Variants in NOS1AP observed in about 807,000 individuals in gnomAD.
NOS1AP encodes carboxyl-terminal PDZ ligand of neuronal nitric oxide synthase protein.
A neutral mutation model predicts 56.2 loss-of-function variants in NOS1AP; 21 were observed. The observed-to-expected ratio is 0.37, with a 90% CI of 0.26 to 0.54. The LOEUF (loss-of-function observed/expected upper bound fraction) is 0.54, where lower values mean the gene tolerates loss of function less well. NOS1AP is among the 20% of genes least tolerant of loss of function. NOS1AP has a pLI of 0.84. For missense variants in NOS1AP, 522 were observed against 657.8 expected (o/e 0.79, Z 2.26); for synonymous variants, 270 against 274.6 (o/e 0.98, Z 0.17).
chr1:162,078,669 C>G (rs1691825463), intron 1 of NOS1AP, among the ~76,000 whole-genome samples: 1 of 152,148 alleles, frequency 6.6e-6, no homozygotes, highest in Non-Finnish European at 1.5e-5. Flanking sequence ...TGGTTATCCT[C>G]CCACTCAAAA....
intron 4 of NOS1AP, among the ~76,000 whole-genome samples, chr1:162,325,967 C>T (rs1055652949): frequency 6.6e-6 from 1 of 151,734 alleles, no homozygotes; most frequent in African/African-American, 2.4e-5. Flanking sequence ...TTCCACTTGA[C>T]ATTTCTAAGT....
At chr1:162,322,225 G>A (rs931203006) in intron 4 of NOS1AP, among the ~76,000 whole-genome samples, 4 of 152,206 alleles carry the variant, frequency 2.6e-5, no homozygotes, top group African/African-American at 9.6e-5. Flanking sequence ...GCCACCAGCA[G>A]TGGCTTGTCA....
At chr1:162,290,635 C>T (rs563829304) in intron 3 of NOS1AP, among the ~76,000 whole-genome samples, 129 of 152,294 alleles carry the variant, frequency 8.5e-4, no homozygotes, top group African/African-American at 3.0e-3. Flanking sequence ...CTATATTCAG[C>T]CGTGAGGCAA....
At chr1:162,147,196 G>T (rs1317152789) in intron 1 of NOS1AP, among the ~76,000 whole-genome samples, 5 of 151,944 alleles carry the variant, frequency 3.3e-5, no homozygotes, top group Non-Finnish European at 7.4e-5. Context: ...AGGTGGGGTG[G>T]TGGGCGCCTG....
Position 162,336,261 on chromosome 1 carries a change from C to T in NOS1AP, c.453+3136C>T, listed in dbSNP as rs182384363. Among the ~76,000 whole-genome samples, 221 of 152,216 alleles carry T rather than the reference C, an allele frequency of 1.5e-3. 3 individuals are homozygous for T. Among genetic ancestry groups the T allele is most frequent in the African/African-American group, 4.8e-3 (199 of 41,526 alleles). On this transcript the variant is annotated intron_variant, in intron 5 of 9. Coordinates refer to ENST00000361897, the MANE Select transcript of NOS1AP (RefSeq NM_014697.3). ...GTGAGGTAGGTGCTGTTATGCTCTT[C>T]ATTTTATAGGTGGGAAAATGGGGCC...
At chr1:162,114,657 G>T (rs1022305383) in intron 1 of NOS1AP, among the ~76,000 whole-genome samples, 2 of 152,108 alleles carry the variant, frequency 1.3e-5, no homozygotes, top group Non-Finnish European at 2.9e-5. Context: ...CATCTGCCTT[G>T]GTTGTCCAGC....
intron 1 of NOS1AP, among the ~76,000 whole-genome samples, chr1:162,102,149 G>A (rs1254279075): frequency 3.9e-5 from 6 of 152,064 alleles, no homozygotes; most frequent in Non-Finnish European, 5.9e-5. Flanking sequence ...AGTTTTTAAC[G>A]TGAAGGTATG....
At chr1:162,109,477 A>G (rs1010861488) in intron 1 of NOS1AP, among the ~76,000 whole-genome samples, 4 of 152,190 alleles carry the variant, frequency 2.6e-5, no homozygotes, top group African/African-American at 9.7e-5. Flanking sequence ...ATTTGTTTTT[A>G]AAATAAAGGG....
At chr1:162,281,398 A>G (rs1654920982) in intron 2 of NOS1AP, among the ~76,000 whole-genome samples, 1 of 152,182 alleles carries the variant, frequency 6.6e-6, no homozygotes, top group Non-Finnish European at 1.5e-5. Context: ...TTTCTTGGGT[A>G]GAAATATGTA....
intron 2 of NOS1AP, among the ~76,000 whole-genome samples, chr1:162,270,769 C>G (rs1295039138): frequency 6.6e-6 from 1 of 152,162 alleles, no homozygotes; most frequent in African/African-American, 2.4e-5. Context: ...AAGCGATGAA[C>G]CTTTTGTCAA....
intron 1 of NOS1AP, among the ~76,000 whole-genome samples, chr1:162,106,770 T>C (rs1647526052): frequency 6.6e-6 from 1 of 152,174 alleles, no homozygotes; most frequent in Non-Finnish European, 1.5e-5. Context: ...AATCGATACG[T>C]ACATTGTTAT....
At position 162,268,182 on chromosome 1, in the gene NOS1AP, C is replaced by T. The variant is rs550166595; in HGVS notation, c.178-19162C>T. ...AGTGAGGCGTGAGAATTGCTTGAACCCAGGAGGCAAAGGTTGCGGTAAGCC... is the reference window on the plus strand; with the variant it reads ...AGTGAGGCGTGAGAATTGCTTGAACTCAGGAGGCAAAGGTTGCGGTAAGCC... On this transcript the variant is annotated intron_variant, in intron 2 of 9. Transcript: ENST00000361897. Among the ~76,000 whole-genome samples, 201 of 151,862 alleles carry T rather than the reference C, an allele frequency of 1.3e-3. 5 individuals carry two copies. The highest frequency in any genetic ancestry group is 7.3e-3 in the South Asian group (35 of 4,788).
chr1:162,197,816 C>T (rs754688241), intron 2 of NOS1AP, among the ~76,000 whole-genome samples: 4 of 152,196 alleles, frequency 2.6e-5, no homozygotes, highest in Admixed American at 6.5e-5. Flanking sequence ...CTAGGGTGTG[C>T]GGCAGGGCTA....
At chr1:162,291,707 G>A (rs979798372) in intron 3 of NOS1AP, among the ~76,000 whole-genome samples, 1 of 152,154 alleles carries the variant, frequency 6.6e-6, no homozygotes, top group African/African-American at 2.4e-5. Context: ...CTGTCATCTT[G>A]AACTGACGCC....
chr1:162,255,698 C>T (rs1654007865), intron 2 of NOS1AP, among the ~76,000 whole-genome samples: 1 of 151,826 alleles, frequency 6.6e-6, no homozygotes, highest in Non-Finnish European at 1.5e-5. Context: ...TAAAGAAAGA[C>T]CTCTGTAGCA....
chr1:162,251,869 G>GTTTTTTTTTTTTTTTTTTTTTT (rs57313228), intron 2 of NOS1AP, among the ~76,000 whole-genome samples: 2 of 82,090 alleles, frequency 2.4e-5, no homozygotes, highest in African/African-American at 4.7e-5. Context: ...TTTTTTTTTT[G>GTTTTTTTTTTTTTTTTTTTTTT]TTTTTTTTTT....
intron 8 of NOS1AP, 77 bp from the exon 9 acceptor site, chr1:162,365,327 G>A: frequency 6.2e-7 from 1 of 1,606,032 alleles, no homozygotes; most frequent in Non-Finnish European, 8.5e-7. Flanking sequence ...CCGGCCATCT[G>A]CCAGTGACTC....
intron 4 of NOS1AP, among the ~76,000 whole-genome samples, chr1:162,327,475 A>G (rs1438918174): frequency 6.6e-6 from 1 of 152,214 alleles, no homozygotes; most frequent in African/African-American, 2.4e-5. Context: ...GGAATTACCA[A>G]CTAGTGAATT....
chr1:162,129,475 A>G (rs1288483573), intron 1 of NOS1AP, among the ~76,000 whole-genome samples: 1 of 152,068 alleles, frequency 6.6e-6, no homozygotes, highest in Non-Finnish European at 1.5e-5. Flanking sequence ...TCCCTGCCTA[A>G]ATATCCTTTG....
Sources: allele counts gnomAD v4.1 joint callset (sites outside exome capture counted in the v4.1 genomes callset), GRCh38; gene constraint gnomAD v4.1.1; transcripts MANE v1.5; gene names NCBI Gene and HGNC (gene_info 2026-07-23, HGNC 2026-07-21).